The following XKR9 variants were observed in gnomAD, a reference collection of about 807,000 sequenced individuals.
The protein encoded by XKR9 is XK related 9.
A neutral mutation model predicts 32.0 loss-of-function variants in XKR9; 32 were observed. That is an observed-to-expected ratio of 1.00 (90% CI 0.76 to 1.34). The LOEUF is 1.34. Ranked by LOEUF, XKR9 falls within the 40% of genes most tolerant of loss-of-function variation. XKR9 has a pLI of 0.00. For missense variants in XKR9, 546 were observed against 429.7 expected (o/e 1.27, Z -2.39); for synonymous variants, 168 against 143.4 (o/e 1.17, Z -1.22).
At chr8:70,990,766 AGAAAGAG>A in the XKR9 span, among the ~76,000 whole-genome samples, 4 of 149,918 alleles carry the variant, frequency 2.7e-5, no homozygotes, top group East Asian at 7.8e-4. Flanking sequence ...AGAGAGAGAG[AGAAAGAG>A]AGAGAGAGAG....
chr8:70,959,834 G>C, the XKR9 span, among the ~76,000 whole-genome samples: 238 of 152,322 alleles, frequency 1.6e-3, 1 homozygote, highest in African/African-American at 5.5e-3. Flanking sequence ...TCATTTGCTA[G>C]TGGGTTATTC....
At chr8:70,925,471 T>C in the XKR9 span, among the ~76,000 whole-genome samples, 4 of 152,216 alleles carry the variant, frequency 2.6e-5, no homozygotes, top group South Asian at 2.1e-4. Flanking sequence ...AATAACTCTA[T>C]AAATTAACTG....
chr8:70,702,746 G>A (rs1217449886), intron 3 of XKR9, among the ~76,000 whole-genome samples: 1 of 152,120 alleles, frequency 6.6e-6, no homozygotes, highest in African/African-American at 2.4e-5. Flanking sequence ...ATAGCCATAT[G>A]AAGTTTTTTA....
chr8:70,873,445 TGA>T, the XKR9 span, among the ~76,000 whole-genome samples: 1 of 152,180 alleles, frequency 6.6e-6, no homozygotes, highest in African/African-American at 2.4e-5. Context: ...TTGTGATACA[TGA>T]GAGAAAGTCA....
chr8:71,006,319 C>T, the XKR9 span, among the ~76,000 whole-genome samples: 2 of 133,772 alleles, frequency 1.5e-5, no homozygotes, highest in East Asian at 1.9e-4. Context: ...TAAAACATTA[C>T]GATATTTAAA....
intron 2 of XKR9, among the ~76,000 whole-genome samples, chr8:70,755,349 G>T (rs1807205442): frequency 2.6e-5 from 4 of 152,138 alleles, no homozygotes; most frequent in Admixed American, 2.6e-4. Flanking sequence ...AAGTCAGTGT[G>T]GCGATTCCTC....
the XKR9 span, among the ~76,000 whole-genome samples, chr8:70,855,817 A>G: frequency 2.0e-5 from 3 of 152,372 alleles, no homozygotes; most frequent in South Asian, 6.2e-4. Context: ...AGTGGGGGCC[A>G]ATATTCAACA....
the XKR9 span, among the ~76,000 whole-genome samples, chr8:71,024,325 T>C: frequency 4.6e-5 from 7 of 152,196 alleles, no homozygotes; most frequent in Admixed American, 4.6e-4. Flanking sequence ...ATCACCCTTT[T>C]GCTAGTGTGC....
At chr8:70,785,742 T>C (rs1298710444) in intron 2 of XKR9, among the ~76,000 whole-genome samples, 1 of 70,846 alleles carries the variant, frequency 1.4e-5, no homozygotes, top group Non-Finnish European at 3.6e-5. Context: ...TCTCTCTCTA[T>C]ATATATATAT....
At chr8:71,019,916 A>G in the XKR9 span, among the ~76,000 whole-genome samples, 1 of 152,350 alleles carries the variant, frequency 6.6e-6, no homozygotes, top group Admixed American at 6.5e-5. Flanking sequence ...TGGTAAAGTC[A>G]TATAAAATAC....
chr8:70,860,500 G>A, the XKR9 span, among the ~76,000 whole-genome samples: 1 of 151,988 alleles, frequency 6.6e-6, no homozygotes, highest in African/African-American at 2.4e-5. Context: ...TGTTATAGCA[G>A]CTGAAATAAG....
the XKR9 span, among the ~76,000 whole-genome samples, chr8:70,905,762 T>C: frequency 1.3e-3 from 199 of 152,360 alleles, 3 homozygotes; most frequent in East Asian, 0.035. Flanking sequence ...TGTGGTTTTA[T>C]CTACCTTTGG....
rs572368315 is a variant in XKR9, at chr8:70,731,653, TG to T, written c.494-2142del. The stretch of plus-strand genomic sequence containing the variant: ...TCTCCTCTTGGTCCCCTGTTGTCTT[TG>T]ATCTCCTCCAGGTGGGGAAGGATGA... On this transcript the variant is annotated intron_variant, in intron 4 of 4. Transcript: ENST00000408926. Among the ~76,000 whole-genome samples the T allele has an allele frequency of 2.3e-4, 35 of 152,314 alleles. No individual in the cohort carries two copies. The East Asian group carries it at 6.0e-3, about 26-fold the overall frequency.
intron 2 of XKR9, among the ~76,000 whole-genome samples, chr8:70,763,723 A>G (rs969683858): frequency 2.0e-5 from 3 of 152,182 alleles, no homozygotes; most frequent in African/African-American, 4.8e-5. Context: ...TCCCTCCCCT[A>G]TTTGAAGCAG....
chr8:70,813,784 C>T, the XKR9 span, among the ~76,000 whole-genome samples: 1 of 152,166 alleles, frequency 6.6e-6, no homozygotes, highest in Admixed American at 6.5e-5. Flanking sequence ...ATTAAAAAGT[C>T]AGGAAACAAC....
the XKR9 span, among the ~76,000 whole-genome samples, chr8:70,798,877 T>C: frequency 1.3e-5 from 2 of 152,200 alleles, no homozygotes; most frequent in Admixed American, 1.3e-4. Context: ...GCTTTATTTC[T>C]GAGTTCTCTA....
intron 4 of XKR9, among the ~76,000 whole-genome samples, chr8:70,712,497 C>G (rs752756206): frequency 6.6e-6 from 1 of 151,942 alleles, no homozygotes; most frequent in African/African-American, 2.4e-5. Flanking sequence ...TGGTGAGGAA[C>G]CTCTCTCCCC....
the XKR9 span, among the ~76,000 whole-genome samples, chr8:70,976,051 A>C: frequency 6.6e-6 from 1 of 152,042 alleles, no homozygotes; most frequent in Admixed American, 6.5e-5. Context: ...TTTGTCTGTT[A>C]TTTGTGTATA....
the XKR9 span, among the ~76,000 whole-genome samples, chr8:70,997,597 C>T: frequency 4.0e-5 from 6 of 149,532 alleles, no homozygotes; most frequent in South Asian, 2.2e-4. Flanking sequence ...ATACAATGGA[C>T]GTTGGGGACA....
Sources: gnomAD v4.1 joint callset for allele counts (sites outside exome capture counted in the v4.1 genomes callset) on GRCh38, gnomAD v4.1.1 for gene constraint, MANE v1.5 for transcripts, NCBI Gene and HGNC (gene_info 2026-07-23, HGNC 2026-07-21) for gene names.